Variants in SOX6 observed in about 807,000 individuals in gnomAD.
SOX6 encodes the protein SRY-box transcription factor 6.
A neutral mutation model predicts 97.8 loss-of-function variants in SOX6; 11 were observed. The observed-to-expected ratio is 0.11, with a 90% CI of 0.07 to 0.19. The LOEUF (loss-of-function observed/expected upper bound fraction) is 0.19, where lower values mean the gene tolerates loss of function less well. Among genes scored for constraint, SOX6 ranks in the 10% least tolerant of loss-of-function variants. The probability of loss-of-function intolerance (pLI) is 1.00; values close to 1 mark genes in which losing one functional copy is unlikely to be tolerated. For synonymous variants in SOX6, 360 were observed against 371.4 expected (o/e 0.97, Z 0.35); for missense variants, 810 against 1,039.5 (o/e 0.78, Z 3.04).
At chr11:16,102,950 C>G (rs1220013902) in intron 7 of SOX6, among the ~76,000 whole-genome samples, 1 of 151,902 alleles carries the variant, frequency 6.6e-6, no homozygotes, top group Admixed American at 6.6e-5. Flanking sequence ...AAAAACCCTT[C>G]TAGACATTGG....
At chr11:16,641,005 T>C (rs1042482481) in intron 3 of SOX6, among the ~76,000 whole-genome samples, 2 of 152,120 alleles carry the variant, frequency 1.3e-5, no homozygotes, top group African/African-American at 4.8e-5. Context: ...TGATGTTAGG[T>C]TGTCCATTTT....
chr11:16,233,811 C>T (rs916571483), intron 4 of SOX6, among the ~76,000 whole-genome samples: 6 of 151,952 alleles, frequency 3.9e-5, no homozygotes, highest in African/African-American at 1.4e-4. Context: ...AGATCAAGAA[C>T]ATCCTGGTCA....
chr11:16,641,356 G>C (rs1426499044), intron 3 of SOX6, among the ~76,000 whole-genome samples: 2 of 152,124 alleles, frequency 1.3e-5, no homozygotes, highest in Non-Finnish European at 2.9e-5. Flanking sequence ...GAATAAGTGC[G>C]GTGTGGTGCT....
intron 4 of SOX6, among the ~76,000 whole-genome samples, chr11:16,492,176 T>C (rs1011986855): frequency 4.6e-5 from 7 of 152,218 alleles, no homozygotes; most frequent in Non-Finnish European, 1.0e-4. Context: ...GCACTTCTGT[T>C]CGTCAAAAGA....
intron 9 of SOX6, among the ~76,000 whole-genome samples, chr11:16,093,327 G>C (rs1216192944): frequency 6.6e-6 from 1 of 151,936 alleles, no homozygotes; most frequent in Non-Finnish European, 1.5e-5. Context: ...AGAAAACCAT[G>C]CCTTAGATCA....
At chr11:16,068,599 T>C (rs1848148989) in intron 9 of SOX6, among the ~76,000 whole-genome samples, 1 of 152,032 alleles carries the variant, frequency 6.6e-6, no homozygotes, top group Non-Finnish European at 1.5e-5. Flanking sequence ...AGAACGGGAG[T>C]AGGGGAAGAA....
chr11:16,339,145 C>T (rs1856552848), intron 2 of SOX6, among the ~76,000 whole-genome samples: 1 of 152,048 alleles, frequency 6.6e-6, no homozygotes, highest in African/African-American at 2.4e-5. Flanking sequence ...AATAGACTCC[C>T]AGTGGGTCCT....
At chr11:16,334,429 T>C (rs1036582298) in intron 2 of SOX6, among the ~76,000 whole-genome samples, 16 of 74,622 alleles carry the variant, frequency 2.1e-4, no homozygotes, top group African/African-American at 7.5e-4. Context: ...TGTTAATGTC[T>C]CTACTTTTTT....
intron 4 of SOX6, among the ~76,000 whole-genome samples, chr11:16,194,677 C>G (rs1851723882): frequency 6.6e-6 from 1 of 152,212 alleles, no homozygotes; most frequent in South Asian, 2.1e-4. Context: ...CAGGCACACT[C>G]AAGTCTCCTA....
At chr11:16,526,220 A>G (rs1489886760) in intron 4 of SOX6, among the ~76,000 whole-genome samples, 5 of 152,176 alleles carry the variant, frequency 3.3e-5, no homozygotes, top group African/African-American at 4.8e-5. Flanking sequence ...AATAGCAAAG[A>G]CTTGGAACCA....
intron 3 of SOX6, among the ~76,000 whole-genome samples, chr11:16,644,649 T>C (rs1045081071): frequency 1.3e-5 from 2 of 152,238 alleles, no homozygotes; most frequent in African/African-American, 2.4e-5. Flanking sequence ...TTCTACTGTG[T>C]ATAATATTCT....
At chr11:16,132,408 AGAAAG>A (rs1564972394) in intron 6 of SOX6, among the ~76,000 whole-genome samples, 44 of 73,270 alleles carry the variant, frequency 6.0e-4, no homozygotes, top group East Asian at 2.6e-3. Flanking sequence ...GAAAAAAGAA[AGAAAG>A]AAAGAAAGAA....
At chr11:16,425,490 C>CAGGCAAGAAA (rs1859107459) in intron 1 of SOX6, among the ~76,000 whole-genome samples, 1 of 152,126 alleles carries the variant, frequency 6.6e-6, no homozygotes, top group Non-Finnish European at 1.5e-5. Context: ...AAAAAGAAAT[C>CAGGCAAGAAA]AAGGTCATCC....
At chr11:16,248,215 T>C (rs1853398645) in intron 3 of SOX6, among the ~76,000 whole-genome samples, 1 of 152,154 alleles carries the variant, frequency 6.6e-6, no homozygotes, top group Admixed American at 6.5e-5. Context: ...GCCCAACCCC[T>C]GGCTGCTTTC....
chr11:16,605,818 C>T lies in SOX6; in HGVS notation n.609+6263G>A, dbSNP rs1185663996. 1 of 152,196 alleles carries T rather than the reference C, an allele frequency of 6.6e-6. No homozygotes were observed. Among genetic ancestry groups the T allele is most frequent in the East Asian group, 1.9e-4 (1 of 5,180 alleles). 9.4% of individuals were successfully genotyped at this position (152,196 alleles called of 1,614,324 possible). ...CCAGAGCCTGGGTGACACTGAAGCGCTCCGAACACTGTGGCGTCTCAGTCA... is the reference window on the plus strand; with the variant it reads ...CCAGAGCCTGGGTGACACTGAAGCGTTCCGAACACTGTGGCGTCTCAGTCA... On this transcript the variant is annotated intron_variant and non_coding_transcript_variant, in intron 4 of 5. Coordinates refer to the SOX6 transcript ENST00000524520. This position sits in a 1 kb window ranked among gnomAD's most constrained non-coding sequence, Gnocchi z 5.3.
At chr11:16,249,929 A>G (rs1853456329) in intron 3 of SOX6, among the ~76,000 whole-genome samples, 1 of 152,198 alleles carries the variant, frequency 6.6e-6, no homozygotes, top group African/African-American at 2.4e-5. Context: ...TACTTTTTAA[A>G]AGGCTGTTGT....
chr11:16,732,997 T>C (rs1361326643), intron 2 of SOX6, among the ~76,000 whole-genome samples: 1 of 152,208 alleles, frequency 6.6e-6, no homozygotes, highest in Non-Finnish European at 1.5e-5. Flanking sequence ...TCACCATCAC[T>C]AGTCATTAGA....
chr11:16,074,172 T>G (rs867987866), intron 9 of SOX6, among the ~76,000 whole-genome samples: 1 of 151,996 alleles, frequency 6.6e-6, no homozygotes, highest in Non-Finnish European at 1.5e-5. Context: ...GTTTGTTATT[T>G]GAAAGAATAA....
At position 15,971,358 on chromosome 11, in the gene SOX6, C is replaced by G. The variant is rs893779546; in HGVS notation, c.*1451G>C. Reference sequence around the variant, plus strand: ...GACAAGGCAACTCAGTGTAAAGGTGCCAGCCCATGACAGCTTCACTGAGAT... The same window carrying G: ...GACAAGGCAACTCAGTGTAAAGGTGGCAGCCCATGACAGCTTCACTGAGAT... On this transcript the variant is annotated 3_prime_UTR_variant, in exon 16 of 16. Transcript: ENST00000683767. 6.6e-6 allele frequency: 1 copy of G among 152,654 alleles called. No individual in the cohort carries two copies. Among genetic ancestry groups the G allele is most frequent in the East Asian group, 1.9e-4 (1 of 5,188 alleles). The allele number at this position is 152,654 out of a possible 1,614,324, so 9.5% of individuals were successfully genotyped here.
Sources: gnomAD v4.1 joint callset for allele counts (sites outside exome capture counted in the v4.1 genomes callset) on GRCh38, gnomAD v4.1.1 for gene constraint, Gnocchi (gnomAD v3.1) non-coding constraint, MANE v1.5 for transcripts, NCBI Gene and HGNC (gene_info 2026-07-23, HGNC 2026-07-21) for gene names.